The following GALK2 variants were observed in gnomAD, a reference collection of about 807,000 sequenced individuals.
The protein encoded by GALK2 is N-acetylgalactosamine kinase.
GALK2 carries 36 observed loss-of-function variants against 52.4 expected under a neutral mutation model. The ratio of observed to expected loss-of-function variants is 0.69; its 90% CI spans 0.53 to 0.91. The LOEUF (loss-of-function observed/expected upper bound fraction) is 0.91. GALK2 is among the 40% of genes least tolerant of loss of function. GALK2 has a pLI of 0.00. For synonymous variants in GALK2, 176 were observed against 199.1 expected (o/e 0.88, Z 0.98); for missense variants, 579 against 559.1 (o/e 1.04, Z -0.36).
chr15:49,292,375 G>C lies in GALK2; in HGVS notation c.805G>C (p.Glu269Gln). The C allele has an allele frequency of 6.2e-7, 1 of 1,614,118 alleles. No homozygotes were observed. Among genetic ancestry groups the C allele is most frequent in the Non-Finnish European group, 8.5e-7 (1 of 1,179,980 alleles). ...SLQWDKVLRL[E>Q]EVQAKLGISL... ...GCAATGGGACAAAGTACTGAGGCTG[G>C]AGGAGGTGCAGGCTAAACTAGGGAT... The change falls in exon 8 of 10, where the codon GAG becomes CAG. Residue 269 changes from glutamate to glutamine, a missense_variant. Transcript: ENST00000560031.
At chr15:49,208,427 G>A (rs933178417) in intron 2 of GALK2, among the ~76,000 whole-genome samples, 22 of 152,162 alleles carry the variant, frequency 1.4e-4, no homozygotes, top group African/African-American at 5.3e-4. Flanking sequence ...TCATTTAGGA[G>A]CAGGTTATTT....
At chr15:49,298,507 C>G (rs529731679) in intron 8 of GALK2, among the ~76,000 whole-genome samples, 1 of 152,142 alleles carries the variant, frequency 6.6e-6, no homozygotes, top group African/African-American at 2.4e-5. Context: ...CAGGGGAATG[C>G]CTCTAGCTTT....
chr15:49,230,070 C>A (rs182910539), intron 3 of GALK2, among the ~76,000 whole-genome samples: 340 of 152,256 alleles, frequency 2.2e-3, no homozygotes, highest in Non-Finnish European at 2.6e-3. Context: ...CAGCAGTTAG[C>A]ACTCGTGGTG....
At position 49,217,263 on chromosome 15, in the gene GALK2, A is replaced by T; in HGVS notation, c.216A>T (p.Glu72Asp). The T allele has an allele frequency of 6.2e-7, 1 of 1,613,668 alleles. No individual in the cohort carries two copies. Among genetic ancestry groups the T allele is most frequent in the South Asian group, 1.1e-5 (1 of 91,074 alleles). ...AVEQDVLIAV[E>D]PVKTYALQLA... ...AACAAGATGTGCTAATAGCTGTAGA[A>T]CCTGTGAAAACGTACGCTCTCCAAC... is the stretch of plus-strand genomic sequence containing the variant. The change falls in exon 3 of 10, where the codon GAA becomes GAT. Residue 72 changes from glutamate to aspartate, a missense_variant. Transcript: ENST00000560031.
intron 1 of GALK2, among the ~76,000 whole-genome samples, chr15:49,192,485 G>GTATATATATGTATATATATATA (rs1555400548): frequency 2.6e-4 from 27 of 102,952 alleles, no homozygotes; most frequent in Non-Finnish European, 4.3e-4. Flanking sequence ...ATATATATAT[G>GTATATATATGTATATATATATA]TATATATATA....
At chr15:49,224,156 G>A (rs998968654) in intron 3 of GALK2, among the ~76,000 whole-genome samples, 3 of 151,864 alleles carry the variant, frequency 2.0e-5, no homozygotes, top group African/African-American at 2.4e-5. Flanking sequence ...AGAAGTGTTT[G>A]TTCATATACT....
chr15:49,263,337 C>G (rs1158724791), intron 5 of GALK2, among the ~76,000 whole-genome samples: 3 of 100,668 alleles, frequency 3.0e-5, no homozygotes, highest in Non-Finnish European at 4.1e-5. Flanking sequence ...CCTTCTTTGT[C>G]TCTTTTGATC....
Position 49,217,171 on chromosome 15 carries a change from AG to A in GALK2, c.143-18del, listed in dbSNP as rs751655765. 3.1e-6 allele frequency: 5 copies of A among 1,600,218 alleles called. No individual in the cohort carries two copies. Among genetic ancestry groups the A allele is most frequent in the Non-Finnish European group, 1.7e-6 (2 of 1,171,750 alleles). On this transcript the variant is annotated intron_variant, in intron 2 of 9. Transcript: ENST00000560031. ...TTTATATATTAGCAATGATTAAAAA[AG>A]CTTTCTCTTTTTTCTAGGAGAGCAT...
chr15:49,208,582 A>G (rs149020277), intron 2 of GALK2, among the ~76,000 whole-genome samples: 3 of 152,276 alleles, frequency 2.0e-5, no homozygotes, highest in East Asian at 1.9e-4. Flanking sequence ...CACGTGGTCT[A>G]TCTTGGAGAA....
At chr15:49,204,076 C>T (rs1003231960) in intron 2 of GALK2, among the ~76,000 whole-genome samples, 1 of 148,512 alleles carries the variant, frequency 6.7e-6, no homozygotes, top group Non-Finnish European at 1.5e-5. Flanking sequence ...GATCAAACCA[C>T]TACTGCACTC....
chr15:49,329,313 GAAGC>G lies in GALK2; in HGVS notation c.*1156_*1159del, dbSNP rs2038145304. On this transcript the variant is annotated 3_prime_UTR_variant, in exon 10 of 10. Coordinates refer to ENST00000560031, the MANE Select transcript of GALK2 (RefSeq NM_002044.4). ...GCTTTCTCTTGTGGATGGACTATAG[GAAGC>G]ACTTTCTGAATTATGTAATGATTTG... 1 of 985,240 alleles carries G rather than the reference GAAGC, an allele frequency of 1.0e-6. No individual in the cohort carries two copies. The highest frequency in any genetic ancestry group is 6.2e-5 in the Admixed American group (1 of 16,242). 61.0% of individuals were successfully genotyped at this position (985,240 alleles called of 1,614,324 possible).
At chr15:49,201,115 G>A in intron 1 of GALK2, 47 bp from the exon 2 acceptor site, 1 of 996,452 alleles carries the variant, frequency 1.0e-6, no homozygotes, top group Non-Finnish European at 1.6e-6. Context: ...TTATGTTACG[G>A]ATTTTCTGTT....
intron 5 of GALK2, among the ~76,000 whole-genome samples, chr15:49,265,292 A>T (rs550446635): frequency 1.3e-5 from 2 of 152,250 alleles, no homozygotes; most frequent in South Asian, 2.1e-4. Context: ...GCCCTCCCCC[A>T]GCCTGGCTGC....
At chr15:49,322,977 G>GA (rs1291134709) in intron 9 of GALK2, among the ~76,000 whole-genome samples, 131 of 123,110 alleles carry the variant, frequency 1.1e-3, no homozygotes, top group East Asian at 6.2e-3. Context: ...AAAAAAAAAA[G>GA]AAAAAAAAAA....
rs191141301 is a variant in GALK2 at position 49,266,617 on chromosome 15, C to T, written c.505-15370C>T. On this transcript the variant is annotated intron_variant, in intron 5 of 9. Transcript: ENST00000560031. ...ATGATCATATGAGATAGACATAGAT[C>T]GCTTAAAACTGACTCTTTCCCCATT... Among the ~76,000 whole-genome samples, 28 of 152,170 alleles carry T rather than the reference C, an allele frequency of 1.8e-4. No homozygotes were observed. In the East Asian group the frequency reaches 2.5e-3, roughly 14 times the overall value.
intron 3 of GALK2, chr15:49,365,523 G>C: frequency 1.2e-6 from 1 of 851,090 alleles, no homozygotes; most frequent in Non-Finnish European, 2.1e-6. Flanking sequence ...TTGGTACTCT[G>C]ATGACTACTG....
chr15:49,335,537 C>T, downstream of GALK2: 1 of 1,505,606 alleles, frequency 6.6e-7, no homozygotes, highest in African/African-American at 1.4e-5. Flanking sequence ...CAATTAGGAA[C>T]ATTTGGGAAG....
intron 1 of GALK2, among the ~76,000 whole-genome samples, chr15:49,176,265 C>T (rs377435263): frequency 6.6e-6 from 1 of 152,226 alleles, no homozygotes; most frequent in Non-Finnish European, 1.5e-5. Flanking sequence ...ATCTGTGATA[C>T]AAAGTACAGC....
chr15:49,351,592 A>G (rs1458505691), intron 3 of GALK2, among the ~76,000 whole-genome samples: 1 of 152,194 alleles, frequency 6.6e-6, no homozygotes, highest in Non-Finnish European at 1.5e-5. Context: ...CACCGTCCCA[A>G]GTTGGGTTTT....
Sources: allele counts gnomAD v4.1 joint callset (sites outside exome capture counted in the v4.1 genomes callset), GRCh38; gene constraint gnomAD v4.1.1; transcripts MANE v1.5; gene names NCBI Gene and HGNC (gene_info 2026-07-23, HGNC 2026-07-21).